STK4: variants seen among roughly 807,000 people sequenced by gnomAD.
STK4 encodes the protein serine/threonine kinase 4, also known as serine/threonine-protein kinase 4.
Under a neutral mutation model 64.9 loss-of-function variants are expected in STK4, and 30 were observed. The ratio of observed to expected loss-of-function variants is 0.46; its 90% CI spans 0.35 to 0.63. STK4 has a LOEUF of 0.63. STK4 is among the 20% of genes least tolerant of loss of function. STK4 has a pLI of 0.01. For missense variants in STK4, 466 were observed against 598.5 expected (o/e 0.78, Z 2.31); for synonymous variants, 177 against 199.0 (o/e 0.89, Z 0.93).
chr20:45,053,216 A>AGCCT lies in STK4; in HGVS notation c.1306-21800_1306-21797dup, dbSNP rs767299859. ...GTCATCTTTGTCTCAGAACCACAGT[A>AGCCT]GCCTGGTTCTGCTGGTGGATCGTGC... On this transcript the variant is annotated intron_variant, in intron 10 of 10. Transcript: ENST00000372806. 5.2e-6 allele frequency: 8 copies of AGCCT among 1,548,050 alleles called. No individual in the cohort carries two copies. The South Asian group carries it at 7.9e-5, about 15-fold the overall frequency.
intron 10 of STK4, among the ~76,000 whole-genome samples, chr20:45,053,768 A>G (rs1978307187): frequency 6.6e-6 from 1 of 152,238 alleles, no homozygotes; most frequent in Non-Finnish European, 1.5e-5. Flanking sequence ...AGCTCTTGCT[A>G]TATTTCCAAC....
Position 44,980,078 on chromosome 20 carries a change from A to G in STK4, c.245+1507A>G, listed in dbSNP as rs192301707. Reference sequence around the variant, plus strand: ...CAGAGTCCTTGTGCTTTGGGAGTTTATAGACTAATTGGACAGGCTAAGTAT... The same window carrying G: ...CAGAGTCCTTGTGCTTTGGGAGTTTGTAGACTAATTGGACAGGCTAAGTAT... On this transcript the variant is annotated intron_variant, in intron 3 of 10. Transcript: ENST00000372806. 1.1e-3 allele frequency among the ~76,000 whole-genome samples: 164 copies of G among 152,310 alleles called. 1 individual carries two copies. The highest frequency in any genetic ancestry group is 5.0e-3 in the Admixed American group (76 of 15,308).
At position 45,001,293 on chromosome 20, in the gene STK4, T is replaced by G; in HGVS notation, c.1087T>G (p.Ser363Ala). ...TMIEHDDTLP[S>A]QLGTMVINAE... ...GATTGAGCACGATGACACGTTGCCA[T>G]CACAACTGGGCACCATGGTGATCAA... Residue 363 changes from serine to alanine, a missense_variant, in exon 9 of 11, where the codon TCA becomes GCA. Physicochemically the swap from Ser to Ala is moderately conservative, Grantham distance 99. Transcript: ENST00000372806. 1.2e-6 allele frequency: 2 copies of G among 1,614,086 alleles called. No individual in the cohort carries two copies. Among genetic ancestry groups the G allele is most frequent in the Non-Finnish European group, 1.7e-6 (2 of 1,179,996 alleles).
intron 5 of STK4, among the ~76,000 whole-genome samples, chr20:44,988,205 C>G (rs1451267734): frequency 6.6e-6 from 1 of 151,976 alleles, no homozygotes; most frequent in African/African-American, 2.4e-5. Flanking sequence ...AATACACCCT[C>G]TGATGGTCTA....
intron 3 of STK4, among the ~76,000 whole-genome samples, chr20:44,980,116 A>G (rs2067411878): frequency 6.6e-6 from 1 of 152,210 alleles, no homozygotes; most frequent in South Asian, 2.1e-4. Flanking sequence ...ATATATGTAG[A>G]GGAGAATCTA....
chr20:44,984,357 C>A (rs1045347164), intron 4 of STK4, among the ~76,000 whole-genome samples: 1 of 151,726 alleles, frequency 6.6e-6, no homozygotes, highest in Admixed American at 6.6e-5. Flanking sequence ...CCCGCCACCA[C>A]GCCTGGCTAA....
chr20:45,041,768 GC>G (rs2068617685), intron 10 of STK4, among the ~76,000 whole-genome samples: 1 of 151,688 alleles, frequency 6.6e-6, no homozygotes, highest in Non-Finnish European at 1.5e-5. Flanking sequence ...GTATAAAGCA[GC>G]CCCTAAGACT....
At chr20:45,043,245 A>C (rs527854896) in intron 10 of STK4, among the ~76,000 whole-genome samples, 237 of 152,276 alleles carry the variant, frequency 1.6e-3, no homozygotes, top group African/African-American at 5.6e-3. Flanking sequence ...TTCTTTATCC[A>C]GTCTATCATT....
At chr20:45,028,896 G>A (rs1421967475) in intron 10 of STK4, among the ~76,000 whole-genome samples, 2 of 152,114 alleles carry the variant, frequency 1.3e-5, no homozygotes, top group Non-Finnish European at 2.9e-5. Flanking sequence ...TTTAGAGAGA[G>A]TACTTTTTAT....
At chr20:45,018,835 C>T (rs1600483266) in intron 9 of STK4, among the ~76,000 whole-genome samples, 1 of 151,330 alleles carries the variant, frequency 6.6e-6, no homozygotes. Flanking sequence ...TCAAGTGATC[C>T]TTCTGCCTTA....
chr20:45,011,702 A>AACAT (rs1329585896), intron 9 of STK4, among the ~76,000 whole-genome samples: 8 of 75,382 alleles, frequency 1.1e-4, no homozygotes, highest in Non-Finnish European at 2.0e-4. Flanking sequence ...TCTTGTGTAG[A>AACAT]ACATACATAT....
chr20:45,075,211 A>C lies in STK4; in HGVS notation c.*35A>C, dbSNP rs746573550. On this transcript the variant is annotated 3_prime_UTR_variant, in exon 11 of 11. Transcript: ENST00000372806. ...GGCTGTGAGGGCCCCAGCTCCACCCAGGCTTTGGGTGAATTCTGGATGGCT... is the reference window on the plus strand; with the variant it reads ...GGCTGTGAGGGCCCCAGCTCCACCCCGGCTTTGGGTGAATTCTGGATGGCT... The C allele has an allele frequency of 4.7e-5, 76 of 1,606,804 alleles. No homozygotes were observed. Among genetic ancestry groups the C allele is most frequent in the Non-Finnish European group, 6.2e-5 (73 of 1,177,926 alleles).
At chr20:45,036,179 T>C (rs1391883121) in intron 10 of STK4, among the ~76,000 whole-genome samples, 5 of 152,238 alleles carry the variant, frequency 3.3e-5, no homozygotes, top group Non-Finnish European at 7.3e-5. Context: ...CATTTCACAA[T>C]GTATGTACAT....
At chr20:45,018,095 A>G (rs1207493764) in intron 9 of STK4, among the ~76,000 whole-genome samples, 1 of 152,214 alleles carries the variant, frequency 6.6e-6, no homozygotes, top group African/African-American at 2.4e-5. Flanking sequence ...CAAAACCCAA[A>G]ACCACACACT....
intron 10 of STK4, among the ~76,000 whole-genome samples, chr20:45,062,897 A>G (rs1472583255): frequency 3.5e-5 from 4 of 114,986 alleles, no homozygotes; most frequent in Non-Finnish European, 5.2e-5. Flanking sequence ...TCACCATGTT[A>G]GCCAGAACGG....
chr20:45,015,749 C>G (rs1459579502), intron 9 of STK4, among the ~76,000 whole-genome samples: 1 of 152,052 alleles, frequency 6.6e-6, no homozygotes, highest in Non-Finnish European at 1.5e-5. Flanking sequence ...CTTTTTTGAT[C>G]CTCAGTTTCC....
chr20:45,053,635 G>A (rs761265762), intron 10 of STK4, among the ~76,000 whole-genome samples: 21 of 152,266 alleles, frequency 1.4e-4, no homozygotes, highest in Admixed American at 3.3e-4. Context: ...GTAAGCACAG[G>A]TGACAGATGG....
At chr20:45,040,252 C>G (rs985596781) in intron 10 of STK4, among the ~76,000 whole-genome samples, 1 of 151,950 alleles carries the variant, frequency 6.6e-6, no homozygotes, top group Non-Finnish European at 1.5e-5. Context: ...AGTAAAGAAG[C>G]ATTTCATTAT....
chr20:44,966,567 C>G lies in STK4; in HGVS notation c.-2C>G, dbSNP rs190920315. The G allele has an allele frequency of 5.1e-3, 6,434 of 1,266,242 alleles. 28 individuals carry two copies. Among genetic ancestry groups the G allele is most frequent in the Non-Finnish European group, 6.2e-3 (6,202 of 996,388 alleles). 78.4% of individuals were successfully genotyped at this position (1,266,242 alleles called of 1,614,324 possible). A position where few individuals can be genotyped will look rare whatever the true frequency, so the allele number is the denominator to read the frequency against. ...CGGGTCTGGGCGGCTGCTGGCAGCG[C>G]CATGGAGACGGTACAGCTGAGGAAC... On this transcript the variant is annotated 5_prime_UTR_variant, in exon 1 of 11. Transcript: ENST00000372806.
Sources: allele counts gnomAD v4.1 joint callset (sites outside exome capture counted in the v4.1 genomes callset), GRCh38; gene constraint gnomAD v4.1.1; transcripts MANE v1.5; gene names NCBI Gene and HGNC (gene_info 2026-07-23, HGNC 2026-07-21).